Variants in CBL observed in about 807,000 individuals in gnomAD.
CBL encodes the protein Cbl proto-oncogene, also known as E3 ubiquitin-protein ligase CBL.
Under a neutral mutation model 96.9 loss-of-function variants are expected in CBL, and 45 were observed. The ratio of observed to expected loss-of-function variants is 0.46; its 90% CI spans 0.37 to 0.60. The LOEUF (loss-of-function observed/expected upper bound fraction) is 0.60, where lower values mean the gene tolerates loss of function less well. Among genes scored for constraint, CBL ranks in the 20% least tolerant of loss-of-function variants. The probability of loss-of-function intolerance (pLI) is 0.00; values close to 1 mark genes in which losing one functional copy is unlikely to be tolerated. For missense variants in CBL, 1,024 were observed against 1,143.5 expected (o/e 0.90, Z 1.51); for synonymous variants, 420 against 426.8 (o/e 0.98, Z 0.20).
chr11:119,219,681 CTT>C (rs201151258), intron 1 of CBL, among the ~76,000 whole-genome samples: 7 of 140,554 alleles, frequency 5.0e-5, no homozygotes, highest in Non-Finnish European at 1.6e-5. Context: ...CCATTTTTGC[CTT>C]TTTTTTTTTT....
intron 2 of CBL, among the ~76,000 whole-genome samples, chr11:119,254,185 AAAAAG>A (rs1385143127): frequency 6.6e-6 from 1 of 152,172 alleles, no homozygotes; most frequent in African/African-American, 2.4e-5. Context: ...CGTCTCTATA[AAAAAG>A]AAAAGTCATG....
chr11:119,214,238 C>T (rs367929193), intron 1 of CBL, among the ~76,000 whole-genome samples: 1 of 151,236 alleles, frequency 6.6e-6, no homozygotes, highest in Admixed American at 6.6e-5. Flanking sequence ...CCACCCCGCC[C>T]GGACTTTTTT....
chr11:119,303,198 T>C lies in CBL; in HGVS notation c.*3417T>C, dbSNP rs1052963127. 4.3e-6 allele frequency: 1 copy of C among 231,532 alleles called. No individual in the cohort carries two copies. The highest frequency in any genetic ancestry group is 2.2e-5 in the African/African-American group (1 of 45,268). 14.3% of individuals were successfully genotyped at this position (231,532 alleles called of 1,614,324 possible). ...AGTTCTTTTTGTAGGTGTTCAGCAA[T>C]GGTGATAAAGCAGAATATTCTCCTA... On this transcript the variant is annotated 3_prime_UTR_variant, in exon 16 of 16. Coordinates refer to ENST00000264033, the MANE Select transcript of CBL (RefSeq NM_005188.4).
intron 1 of CBL, among the ~76,000 whole-genome samples, chr11:119,215,565 C>A (rs1949353167): frequency 6.6e-6 from 1 of 151,604 alleles, no homozygotes; most frequent in Non-Finnish European, 1.5e-5. Context: ...CCTCGGGAGG[C>A]TGAGGCAGGA....
intron 12 of CBL, chr11:119,289,548 T>A (rs1293281429): frequency 3.7e-5 from 3 of 80,258 alleles, no homozygotes; most frequent in Admixed American, 1.1e-4. Flanking sequence ...CACTCCTCTA[T>A]TTTTTTTTTT....
chr11:119,224,652 G>T (rs961928180), intron 1 of CBL, among the ~76,000 whole-genome samples: 1 of 152,066 alleles, frequency 6.6e-6, no homozygotes, highest in Non-Finnish European at 1.5e-5. Context: ...GTGCAGTGGC[G>T]TGACCTTGGC....
chr11:119,236,365 C>T (rs1476426935), intron 2 of CBL, among the ~76,000 whole-genome samples: 3 of 151,744 alleles, frequency 2.0e-5, no homozygotes, highest in South Asian at 2.1e-4. Flanking sequence ...TGTCTTCTTT[C>T]GCTTAGAATG....
rs1262878178 is a variant in CBL, at chr11:119,285,503, A to G, written c.1878A>G (p.Ser626=). ...NRHSLPFSLP[S]QMEPRPDVPR... ...ACTCACTTCCATTTTCATTGCCCTC[A>G]CAAATGGAGCCCAGACCAGATGTGC... The change falls in exon 11 of 16, where the codon TCA becomes TCG. Residue 626 remains serine (S), a synonymous_variant. Transcript: ENST00000264033. The G allele has an allele frequency of 1.7e-5, 28 of 1,614,148 alleles. No homozygotes were observed. The highest frequency in any genetic ancestry group is 2.3e-5 in the Non-Finnish European group (27 of 1,180,006).
chr11:119,297,034 G>A lies in CBL; in HGVS notation c.2153G>A (p.Arg718Gln), dbSNP rs144894769. The A allele has an allele frequency of 2.4e-5, 36 of 1,514,944 alleles. No individual in the cohort carries two copies. Among genetic ancestry groups the A allele is most frequent in the East Asian group, 1.6e-4 (7 of 44,466 alleles). 93.8% of individuals were successfully genotyped at this position (1,514,944 alleles called of 1,614,324 possible). Residue 718 changes from arginine (R) to glutamine (Q), a missense_variant and splice_region_variant, in exon 13 of 16, where the codon CGA (arginine) becomes CAA (glutamine). Around this residue, in one of 4 missense-constraint regions of CBL, gnomAD observed 695 missense variants for 661.6 expected, o/e 1.05. Transcript: ENST00000264033. ...CCTTTGGATACATCCCAGAGTTCAC[G>A]GTAGGTTCACAACAACCCTTTTTGG... is the stretch of plus-strand genomic sequence containing the variant. ...LRPLDTSQSS[R>Q]ACDCDQQIDS...
intron 12 of CBL, 47 bp from the exon 13 acceptor site, chr11:119,296,871 T>C (rs747920081): frequency 2.1e-6 from 2 of 947,534 alleles, no homozygotes; most frequent in Non-Finnish European, 3.5e-6. Flanking sequence ...CTTCAAAGTT[T>C]ACTGGTTTGT....
intron 5 of CBL, among the ~76,000 whole-genome samples, chr11:119,275,275 C>T (rs1010511726): frequency 9.9e-5 from 15 of 152,050 alleles, no homozygotes; most frequent in African/African-American, 3.1e-4. Context: ...CCTGTCTCTA[C>T]TAAAAATACA....
chr11:119,225,729 T>TTTC (rs1949453396), intron 1 of CBL, among the ~76,000 whole-genome samples: 1 of 144,244 alleles, frequency 6.9e-6, no homozygotes, highest in Non-Finnish European at 1.5e-5. Flanking sequence ...ATTTTCTTTT[T>TTTC]TTTTTTTTTT....
At position 119,300,129 on chromosome 11, in the gene CBL, G is replaced by T; in HGVS notation, c.*348G>T. 1 of 542,430 alleles carries T rather than the reference G, an allele frequency of 1.8e-6. No individual in the cohort carries two copies. 33.6% of individuals were successfully genotyped at this position (542,430 alleles called of 1,614,324 possible). A position where few individuals can be genotyped will look rare whatever the true frequency, so the allele number is the denominator to read the frequency against. Reference sequence around the variant, plus strand: ...TAATTGAGGACTTAAGACTTCCTGGGTTAAGGATGTGGCCGTGTGTGTGTG... The same window carrying T: ...TAATTGAGGACTTAAGACTTCCTGGTTTAAGGATGTGGCCGTGTGTGTGTG... On this transcript the variant is annotated 3_prime_UTR_variant, in exon 16 of 16. Transcript: ENST00000264033.
chr11:119,285,408 A>G lies in CBL; in HGVS notation c.1783A>G (p.Ile595Val), dbSNP rs775675805. The change falls in exon 11 of 16, where the codon ATC becomes GTC. Residue 595 changes from isoleucine to valine, a missense_variant. By Grantham distance (29) the Ile-to-Val change is conservative. Transcript: ENST00000264033. ...RLGDSWLPRP[I>V]PKVPVSAPSS... ...TGGAGACTCATGGCTGCCCCGGCCAATCCCCAAAGTACCAGTATCTGCCCC... is the reference window on the plus strand; with the variant it reads ...TGGAGACTCATGGCTGCCCCGGCCAGTCCCCAAAGTACCAGTATCTGCCCC... 58 of 1,614,062 alleles carry G rather than the reference A, an allele frequency of 3.6e-5. No homozygotes were observed. Among genetic ancestry groups the G allele is most frequent in the East Asian group, 8.9e-5 (4 of 44,894 alleles).
At chr11:119,255,658 C>T (rs1041034266) in intron 2 of CBL, among the ~76,000 whole-genome samples, 2 of 151,956 alleles carry the variant, frequency 1.3e-5, no homozygotes, top group Admixed American at 6.6e-5. Context: ...TGTCTCATTA[C>T]GGAAGTAATC....
At position 119,299,904 on chromosome 11, in the gene CBL, A is replaced by G. The variant is rs1950090159; in HGVS notation, c.*123A>G. On this transcript the variant is annotated 3_prime_UTR_variant, in exon 16 of 16. Coordinates refer to ENST00000264033, the MANE Select transcript of CBL (RefSeq NM_005188.4). The stretch of plus-strand genomic sequence containing the variant: ...AGTGAAGTCTTGCCCTCTCTGTGGG[A>G]TATCACATCAGTGGTTCCAAGATTT... 3.3e-6 allele frequency: 3 copies of G among 911,590 alleles called. No individual in the cohort carries two copies. The highest frequency in any genetic ancestry group is 5.4e-6 in the Non-Finnish European group (3 of 555,538). 56.5% of individuals were successfully genotyped at this position (911,590 alleles called of 1,614,324 possible).
intron 11 of CBL, among the ~76,000 whole-genome samples, chr11:119,285,986 C>T (rs1949982106): frequency 6.6e-6 from 1 of 151,414 alleles, no homozygotes; most frequent in Non-Finnish European, 1.5e-5. Context: ...TTCAGAGATG[C>T]TATAACATAA....
chr11:119,212,805 G>C (rs1482031295), intron 1 of CBL, among the ~76,000 whole-genome samples: 1 of 151,878 alleles, frequency 6.6e-6, no homozygotes, highest in Admixed American at 6.6e-5. Flanking sequence ...GAGGTCAGCA[G>C]TTTGAGACCA....
intron 2 of CBL, 41 bp downstream of exon 2, chr11:119,232,736 G>C (rs1172353218): frequency 6.3e-6 from 10 of 1,595,256 alleles, no homozygotes; most frequent in Non-Finnish European, 8.6e-6. Context: ...GCAGGTCTGT[G>C]ACTGCCTGAA....
Sources: allele counts gnomAD v4.1 joint callset (sites outside exome capture counted in the v4.1 genomes callset), GRCh38; gene constraint gnomAD v4.1.1; regional missense constraint gnomAD v4.1.1; transcripts MANE v1.5; gene names NCBI Gene and HGNC (gene_info 2026-07-23, HGNC 2026-07-21).